Variants in CTBP2 observed in about 807,000 individuals in gnomAD.
CTBP2 encodes C-terminal binding protein 2, also known as C-terminal-binding protein 2.
A neutral mutation model predicts 80.3 loss-of-function variants in CTBP2; 30 were observed. The observed-to-expected ratio is 0.37, with a 90% CI of 0.28 to 0.51. The LOEUF (loss-of-function observed/expected upper bound fraction) is 0.51. Ranked by LOEUF, CTBP2 falls within the 20% of genes least tolerant of loss-of-function variation. The pLI is 0.93. For synonymous variants in CTBP2, 594 were observed against 587.4 expected, an observed-to-expected ratio of 1.01 and a Z score of -0.16; for missense variants, 1,212 against 1,375.3, an observed-to-expected ratio of 0.88 and a Z score of 1.88.
intron 2 of CTBP2, among the ~76,000 whole-genome samples, chr10:125,071,561 T>A (rs1458695405): frequency 2.6e-5 from 4 of 152,128 alleles, no homozygotes; most frequent in Non-Finnish European, 4.4e-5. Context: ...CAGTAAAAAC[T>A]TACAAGATGC....
chr10:125,147,470 G>A (rs563498185), intron 1 of CTBP2, among the ~76,000 whole-genome samples: 7 of 152,268 alleles, frequency 4.6e-5, no homozygotes, highest in Admixed American at 1.3e-4. Flanking sequence ...AATTAACCTC[G>A]TGAACAGTTT....
chr10:124,994,526 C>T lies in CTBP2; in HGVS notation c.2343G>A (p.Leu781=). 7 of 1,614,004 alleles carry T rather than the reference C, an allele frequency of 4.3e-6. No homozygotes were observed. The highest frequency in any genetic ancestry group is 5.9e-6 in the Non-Finnish European group (7 of 1,179,874). Residue 781 remains leucine (L), a synonymous_variant, in exon 5 of 9, where the codon TTG becomes TTA. Coordinates refer to ENST00000309035, the MANE Select transcript of CTBP2 (RefSeq NM_022802.3). ...GGTTATGTTCGTTGAGATTGCAGTG[C>T]AAGGAGACGCAGTCGCTCTGATACA...
intron 2 of CTBP2, among the ~76,000 whole-genome samples, chr10:125,078,142 T>TG (rs1846559651): frequency 6.6e-6 from 1 of 152,022 alleles, no homozygotes; most frequent in Non-Finnish European, 1.5e-5. Context: ...TAGCCAGGCA[T>TG]GGTGGCAGGC....
intron 2 of CTBP2, among the ~76,000 whole-genome samples, chr10:125,086,279 C>A (rs1469852746): frequency 6.6e-6 from 1 of 152,088 alleles, no homozygotes; most frequent in African/African-American, 2.4e-5. Flanking sequence ...TGCCTGTAAT[C>A]CTAGCACTTT....
chr10:125,055,655 G>A (rs976324052), intron 2 of CTBP2, among the ~76,000 whole-genome samples: 3 of 151,968 alleles, frequency 2.0e-5, no homozygotes, highest in South Asian at 4.2e-4. Context: ...CACAATCCCC[G>A]AACCACACTC....
intron 2 of CTBP2, among the ~76,000 whole-genome samples, chr10:125,093,109 A>T (rs1849033644): frequency 6.6e-6 from 1 of 152,170 alleles, no homozygotes. Context: ...TGCACTGTCC[A>T]AAGCCTGCTC....
intron 1 of CTBP2, among the ~76,000 whole-genome samples, chr10:125,003,767 G>A (rs1160739954): frequency 1.3e-5 from 2 of 152,064 alleles, no homozygotes; most frequent in Non-Finnish European, 2.9e-5. Context: ...ATGGGGCCCC[G>A]AGGCCAGCAC....
intron 3 of CTBP2, among the ~76,000 whole-genome samples, chr10:125,033,502 C>T (rs530253285): frequency 4.6e-5 from 7 of 152,290 alleles, no homozygotes; most frequent in Admixed American, 1.3e-4. Flanking sequence ...GGCAAGAAGC[C>T]GGCAGCAAAA....
Position 125,005,425 on chromosome 10 carries a change from C to T in CTBP2, c.1679-1933G>A, listed in dbSNP as rs992374622. The T allele has an allele frequency of 9.3e-6, 9 of 969,964 alleles. No homozygotes were observed. The African/African-American group carries it at 1.5e-4, about 16-fold the overall frequency. The allele number at this position is 969,964 out of a possible 1,614,324, so 60.1% of individuals were successfully genotyped here. On this transcript the variant is annotated intron_variant, in intron 1 of 8. Transcript: ENST00000309035. ...GTCACTCCTGCTGCTGCCCCGACAC[C>T]CAGGTCCCCAAACAGGGTGTCCGCA...
chr10:125,088,886 G>T (rs946154778), intron 2 of CTBP2, among the ~76,000 whole-genome samples: 2 of 152,218 alleles, frequency 1.3e-5, no homozygotes, highest in Admixed American at 1.3e-4. Context: ...TCCTCCCAAA[G>T]AGAGTTTCAT....
intron 2 of CTBP2, among the ~76,000 whole-genome samples, chr10:125,100,352 G>A (rs1850423087): frequency 6.6e-6 from 1 of 152,112 alleles, no homozygotes; most frequent in African/African-American, 2.4e-5. Context: ...TATCACACAA[G>A]TCACTTGGGC....
At chr10:125,122,539 T>G (rs1159776687) in intron 1 of CTBP2, 1 of 152,248 alleles carries the variant, frequency 6.6e-6, no homozygotes, top group Non-Finnish European at 1.5e-5. Context: ...GTATTATTAT[T>G]CTGAGAGCAT....
Position 125,066,082 on chromosome 10 carries a change from A to T in CTBP2, c.-101-26927T>A, listed in dbSNP as rs1844584522. Among the ~76,000 whole-genome samples, 1 of 151,666 alleles carries T rather than the reference A, an allele frequency of 6.6e-6. No homozygotes were observed. The highest frequency in any genetic ancestry group is 2.4e-5 in the African/African-American group (1 of 41,204). On this transcript the variant is annotated intron_variant, in intron 2 of 10. Transcript: ENST00000337195. This position sits in a 1 kb window ranked among gnomAD's most constrained non-coding sequence, Gnocchi z 4.1. ...TGCCATGGCACTCTAGCCAAAAAAA[A>T]AAAGCCGTCATCTTCTTGATGGTGA...
chr10:125,104,643 C>T (rs755209698), intron 2 of CTBP2, among the ~76,000 whole-genome samples: 2 of 152,210 alleles, frequency 1.3e-5, no homozygotes, highest in African/African-American at 2.4e-5. Context: ...CGATGAATTA[C>T]GCAGCATTTT....
intron 1 of CTBP2, among the ~76,000 whole-genome samples, chr10:125,013,188 G>T (rs773601175): frequency 3.3e-5 from 5 of 152,188 alleles, no homozygotes; most frequent in Non-Finnish European, 7.3e-5. Context: ...CTGTTGGAAA[G>T]ACCACCAAGA....
intron 3 of CTBP2, among the ~76,000 whole-genome samples, chr10:125,037,676 C>T (rs180783771): frequency 2.4e-4 from 36 of 152,276 alleles, no homozygotes; most frequent in African/African-American, 7.9e-4. Flanking sequence ...GGCAAAGAGA[C>T]GTGGAGGAAA....
intron 2 of CTBP2, among the ~76,000 whole-genome samples, chr10:125,058,804 G>C (rs117490084): frequency 0.042 from 6,323 of 152,214 alleles, 175 homozygotes; most frequent in Non-Finnish European, 0.056. Context: ...TGAGGCAGAA[G>C]AATCATTTGA....
chr10:125,067,719 T>C (rs1164924444), intron 2 of CTBP2, among the ~76,000 whole-genome samples: 1 of 152,222 alleles, frequency 6.6e-6, no homozygotes, highest in East Asian at 1.9e-4. Context: ...CAGTAAGTTA[T>C]AGCAAGTGTC....
chr10:125,017,728 C>T (rs976634555), intron 1 of CTBP2, among the ~76,000 whole-genome samples: 6 of 152,218 alleles, frequency 3.9e-5, no homozygotes, highest in Non-Finnish European at 7.3e-5. Flanking sequence ...GCCCCGCAGT[C>T]GGAGCAGCTC....
Sources: gnomAD v4.1 joint callset for allele counts (sites outside exome capture counted in the v4.1 genomes callset) on GRCh38, gnomAD v4.1.1 for gene constraint, Gnocchi (gnomAD v3.1) non-coding constraint, MANE v1.5 for transcripts, NCBI Gene and HGNC (gene_info 2026-07-23, HGNC 2026-07-21) for gene names.